The following PDHX variants were observed in gnomAD, a reference collection of about 807,000 sequenced individuals.
PDHX encodes pyruvate dehydrogenase complex component X.
In PDHX, 33 loss-of-function variants were observed where a neutral mutation model predicts 55.3. That is an observed-to-expected ratio of 0.60 (90% CI 0.45 to 0.80). The LOEUF (loss-of-function observed/expected upper bound fraction) is 0.80. Ranked by LOEUF, PDHX falls within the 30% of genes least tolerant of loss-of-function variation. The probability of loss-of-function intolerance (pLI) is 0.00; values close to 1 mark genes in which losing one functional copy is unlikely to be tolerated. For missense variants in PDHX, 622 were observed against 619.9 expected (o/e 1.00, Z -0.04); for synonymous variants, 226 against 219.4 (o/e 1.03, Z -0.27).
intron 1 of PDHX, among the ~76,000 whole-genome samples, chr11:34,929,088 G>A (rs1235245629): frequency 6.6e-6 from 1 of 152,200 alleles, no homozygotes; most frequent in Non-Finnish European, 1.5e-5. Context: ...TTGTTCTTCA[G>A]TGTCTTCCAA....
chr11:34,916,613 A>T, upstream of PDHX: 3 of 1,599,684 alleles, frequency 1.9e-6, no homozygotes, highest in Non-Finnish European at 2.5e-6. Context: ...TTGATGCTGG[A>T]CATCAGGCTG....
rs77770211 is a variant in PDHX at position 34,956,860 on chromosome 11, C to A, written c.343-524C>A. On this transcript the variant is annotated intron_variant, in intron 3 of 10. Transcript: ENST00000227868. ...ATTTAACATTAACTGGAATAGTTAA[C>A]CAGTTCTATCTATACATTAGAATGT... Among the ~76,000 whole-genome samples, 1,214 of 152,166 alleles carry A rather than the reference C, an allele frequency of 8.0e-3. 20 individuals are homozygous for A. The highest frequency in any genetic ancestry group is 0.028 in the African/African-American group (1,167 of 41,516).
intron 3 of PDHX, among the ~76,000 whole-genome samples, chr11:34,954,141 T>G (rs2133969900): frequency 6.6e-6 from 1 of 152,332 alleles, no homozygotes; most frequent in East Asian, 1.9e-4. Flanking sequence ...GTCACGTGAC[T>G]CAGGTCATCT....
At chr11:34,983,367 G>A (rs556775734) in intron 8 of PDHX, among the ~76,000 whole-genome samples, 1 of 152,282 alleles carries the variant, frequency 6.6e-6, no homozygotes, top group Non-Finnish European at 1.5e-5. Context: ...CTGGCACAAG[G>A]CAGAGATGCT....
intron 5 of PDHX, among the ~76,000 whole-genome samples, chr11:34,965,301 A>G (rs948907511): frequency 6.6e-6 from 1 of 152,284 alleles, no homozygotes; most frequent in Admixed American, 6.5e-5. Context: ...AGAACCACTG[A>G]CAGCTCCCAG....
In PDHX at chr11:34,983,574, A is replaced by G. The variant is rs566503994; in HGVS notation, c.1024-996A>G. Among the ~76,000 whole-genome samples, 138 of 151,848 alleles carry G rather than the reference A, an allele frequency of 9.1e-4. 2 individuals carry two copies. Among genetic ancestry groups the G allele is most frequent in the African/African-American group, 3.2e-3 (133 of 41,064 alleles). On this transcript the variant is annotated intron_variant, in intron 8 of 10. Coordinates refer to ENST00000227868, the MANE Select transcript of PDHX (RefSeq NM_003477.3). ...TTAAGCTGATAGGCAACTTCAGCAA[A>G]GTCTCAGAATACACAATCAATGTGC...
intron 3 of PDHX, among the ~76,000 whole-genome samples, chr11:34,952,730 TATC>T (rs1274768957): frequency 6.7e-6 from 1 of 150,110 alleles, no homozygotes; most frequent in East Asian, 1.9e-4. Context: ...CCACAGCCAA[TATC>T]ATACTGAATG....
At chr11:34,951,651 G>C (rs1181422772) in intron 3 of PDHX, among the ~76,000 whole-genome samples, 3 of 152,156 alleles carry the variant, frequency 2.0e-5, no homozygotes, top group Non-Finnish European at 1.5e-5. Context: ...TAGGTTGCCT[G>C]TTCACTCTGA....
At chr11:34,975,414 T>A (rs1024931831) in intron 7 of PDHX, among the ~76,000 whole-genome samples, 1 of 151,998 alleles carries the variant, frequency 6.6e-6, no homozygotes, top group African/African-American at 2.4e-5. Flanking sequence ...AAATGCTCTA[T>A]TTTTTTTGTT....
intron 8 of PDHX, among the ~76,000 whole-genome samples, chr11:34,983,389 C>G (rs1261961709): frequency 1.3e-5 from 2 of 152,214 alleles, no homozygotes; most frequent in Non-Finnish European, 2.9e-5. Flanking sequence ...TCTCTCACCA[C>G]TCCTATTCAA....
In PDHX at chr11:34,965,169, G is replaced by T. The variant is rs928799040; in HGVS notation, c.642-1471G>T. On this transcript the variant is annotated intron_variant, in intron 5 of 10. Transcript: ENST00000227868. ...TCACAAGGCTGAAATCAAAGTGTTGGCCAAGGCTGGGGACTCATGTGAAGC... is the reference window on the plus strand; with the variant it reads ...TCACAAGGCTGAAATCAAAGTGTTGTCCAAGGCTGGGGACTCATGTGAAGC... 3.9e-5 allele frequency among the ~76,000 whole-genome samples: 6 copies of T among 152,252 alleles called. 1 individual carries two copies. In the South Asian group the frequency reaches 1.2e-3, roughly 32 times the overall value.
chr11:34,930,418 T>G (rs916282321), intron 1 of PDHX, among the ~76,000 whole-genome samples: 2 of 152,224 alleles, frequency 1.3e-5, no homozygotes, highest in African/African-American at 4.8e-5. Context: ...AGTGCTCAAT[T>G]TCCTTGCTTT....
chr11:34,945,576 G>A (rs1176578636), intron 2 of PDHX, among the ~76,000 whole-genome samples: 1 of 152,136 alleles, frequency 6.6e-6, no homozygotes, highest in Non-Finnish European at 1.5e-5. Context: ...TGTTGCAGCT[G>A]CTGAGAAGTG....
At chr11:34,994,228 T>C (rs897149941) in intron 10 of PDHX, among the ~76,000 whole-genome samples, 2 of 152,224 alleles carry the variant, frequency 1.3e-5, no homozygotes, top group Non-Finnish European at 2.9e-5. Flanking sequence ...CAGTTGCTCC[T>C]AGACTGCAAA....
chr11:34,919,704 G>A (rs1045518811), intron 1 of PDHX, among the ~76,000 whole-genome samples: 6 of 152,130 alleles, frequency 3.9e-5, no homozygotes, highest in Non-Finnish European at 5.9e-5. Flanking sequence ...TCTTTAATTT[G>A]TATCATTCTC....
intron 2 of PDHX, among the ~76,000 whole-genome samples, chr11:34,935,438 A>G (rs1271575526): frequency 6.6e-6 from 1 of 152,206 alleles, no homozygotes; most frequent in Non-Finnish European, 1.5e-5. Context: ...ATAGAGGAAC[A>G]GTTAATGTGA....
chr11:34,937,755 T>G (rs964354295), intron 2 of PDHX, among the ~76,000 whole-genome samples: 3 of 152,182 alleles, frequency 2.0e-5, no homozygotes, highest in Admixed American at 6.5e-5. Context: ...TTATAGAACT[T>G]GCATTTTCTG....
intron 7 of PDHX, among the ~76,000 whole-genome samples, chr11:34,974,033 A>G (rs1855312938): frequency 6.6e-6 from 1 of 152,232 alleles, no homozygotes; most frequent in Non-Finnish European, 1.5e-5. Context: ...AGTTGAATAT[A>G]TAACATGAGT....
At chr11:34,916,190 C>A, upstream of PDHX, 1 of 1,598,302 alleles carries the variant, frequency 6.3e-7, no homozygotes, top group East Asian at 2.3e-5. Context: ...TGGGCCTCTC[C>A]TCCTGGGAAT....
Sources: allele counts gnomAD v4.1 joint callset (sites outside exome capture counted in the v4.1 genomes callset), GRCh38; gene constraint gnomAD v4.1.1; transcripts MANE v1.5; gene names NCBI Gene and HGNC (gene_info 2026-07-23, HGNC 2026-07-21).